Variants in ZKSCAN1 observed in about 807,000 individuals in gnomAD.
ZKSCAN1 encodes the protein zinc finger protein with KRAB and SCAN domains 1.
Under a neutral mutation model 51.6 loss-of-function variants are expected in ZKSCAN1, and 14 were observed. The observed-to-expected ratio is 0.27, with a 90% CI of 0.18 to 0.42. ZKSCAN1 has a LOEUF of 0.42. Among genes scored for constraint, ZKSCAN1 ranks in the 10% least tolerant of loss-of-function variants. The pLI is 1.00. For synonymous variants in ZKSCAN1, 263 were observed against 261.5 expected, an observed-to-expected ratio of 1.01 and a Z score of -0.06; for missense variants, 531 against 710.0, an observed-to-expected ratio of 0.75 and a Z score of 2.86.
intron 1 of ZKSCAN1, among the ~76,000 whole-genome samples, chr7:100,020,920 C>G (rs1451844306): frequency 6.6e-6 from 1 of 152,040 alleles, no homozygotes. Flanking sequence ...GTCAGTTCTG[C>G]TTAGTAACTT....
chr7:100,044,130 C>T (rs1315587107), downstream of ZKSCAN1, among the ~76,000 whole-genome samples: 2 of 152,072 alleles, frequency 1.3e-5, no homozygotes. Flanking sequence ...CCTCCACCAT[C>T]CCCCAGGCGA....
At position 100,037,543 on chromosome 7, in the gene ZKSCAN1, A is replaced by C. The variant is rs1344719759; in HGVS notation, c.*3346A>C. On this transcript the variant is annotated 3_prime_UTR_variant, in exon 6 of 6. Coordinates refer to ENST00000324306, the MANE Select transcript of ZKSCAN1 (RefSeq NM_003439.4). ...AGAAAGGAGCCTCCTGAATGTGATG[A>C]ATACGGCAAAGCCTTTAATCACATC... 4.1e-6 allele frequency: 4 copies of C among 985,370 alleles called. No homozygotes were observed. In the African/African-American group the frequency reaches 7.0e-5, roughly 17 times the overall value. 61.0% of individuals were successfully genotyped at this position (985,370 alleles called of 1,614,324 possible).
In ZKSCAN1 at chr7:100,039,496, T is replaced by C. The variant is rs1371299856; in HGVS notation, c.*5299T>C. 1 of 985,322 alleles carries C rather than the reference T, an allele frequency of 1.0e-6. No homozygotes were observed. Among genetic ancestry groups the C allele is most frequent in the Non-Finnish European group, 1.2e-6 (1 of 829,936 alleles). The allele number at this position is 985,322 out of a possible 1,614,324, so 61.0% of individuals were successfully genotyped here. On this transcript the variant is annotated 3_prime_UTR_variant, in exon 6 of 6. Transcript: ENST00000324306. ...GTTCCTGTGTTCCCTGCTCCCACTT[T>C]TCTTCCCCTGGTTTGTGATTATTAG...
At chr7:100,031,785 C>T (rs1749824693) in intron 5 of ZKSCAN1, among the ~76,000 whole-genome samples, 1 of 152,182 alleles carries the variant, frequency 6.6e-6, no homozygotes, top group South Asian at 2.1e-4. Context: ...AGGTTCAAAA[C>T]AAGTTCCTTG....
At chr7:100,028,135 A>T (rs1005953133) in intron 3 of ZKSCAN1, among the ~76,000 whole-genome samples, 1 of 152,084 alleles carries the variant, frequency 6.6e-6, no homozygotes, top group Non-Finnish European at 1.5e-5. Context: ...TGGCCAGATC[A>T]TAAGGTCAAG....
chr7:100,042,335 AAAAG>A (rs1476967529), downstream of ZKSCAN1, among the ~76,000 whole-genome samples: 1 of 148,468 alleles, frequency 6.7e-6, no homozygotes, highest in African/African-American at 2.5e-5. Context: ...AAAAAAAAAA[AAAAG>A]GTGAACTGGG....
Position 100,034,330 on chromosome 7 carries a change from A to C in ZKSCAN1, c.*133A>C. ...AAAAGTCACACTTAAGGATCCTTCTAGTCACATCAGCAGTGTTCTGCCTTT... is the reference window on the plus strand; with the variant it reads ...AAAAGTCACACTTAAGGATCCTTCTCGTCACATCAGCAGTGTTCTGCCTTT... On this transcript the variant is annotated 3_prime_UTR_variant, in exon 6 of 6. Coordinates refer to ENST00000324306, the MANE Select transcript of ZKSCAN1 (RefSeq NM_003439.4). The C allele has an allele frequency of 1.4e-6, 2 of 1,462,762 alleles. No individual in the cohort carries two copies. Among genetic ancestry groups the C allele is most frequent in the Non-Finnish European group, 1.8e-6 (2 of 1,117,536 alleles). 90.6% of individuals were successfully genotyped at this position (1,462,762 alleles called of 1,614,324 possible).
intron 1 of ZKSCAN1, among the ~76,000 whole-genome samples, chr7:100,021,471 C>T (rs1584329358): frequency 6.6e-6 from 1 of 152,176 alleles, no homozygotes; most frequent in East Asian, 1.9e-4. Context: ...TTCCTGGATA[C>T]TTGACATCAT....
chr7:100,041,570 TAAAG>T lies in ZKSCAN1; in HGVS notation c.*7377_*7380del, dbSNP rs1791594946. On this transcript the variant is annotated 3_prime_UTR_variant, in exon 6 of 6. Transcript: ENST00000324306. ...ATTTTAGGAAGCCAGTGGCGTCTGA[TAAAG>T]AAATGTTAAGAGTAGTGAGGTTGAG... The T allele has an allele frequency of 1.9e-5, 19 of 985,346 alleles. No individual in the cohort carries two copies. The highest frequency in any genetic ancestry group is 6.2e-5 in the Admixed American group (1 of 16,260). 61.0% of individuals were successfully genotyped at this position (985,346 alleles called of 1,614,324 possible).
intron 3 of ZKSCAN1, among the ~76,000 whole-genome samples, chr7:100,026,200 C>T (rs1790827074): frequency 6.9e-6 from 1 of 145,408 alleles, no homozygotes; most frequent in Non-Finnish European, 1.5e-5. Context: ...CATCGCACTC[C>T]AGCCTGAGCA....
chr7:100,034,029 G>A lies in ZKSCAN1; in HGVS notation c.1524G>A (p.Arg508=), dbSNP rs1655151341. The change falls in exon 6 of 6, where the codon CGG becomes CGA. Residue 508 remains arginine, a synonymous_variant. Coordinates refer to ENST00000324306, the MANE Select transcript of ZKSCAN1 (RefSeq NM_003439.4). ...GAAACTCATACCTGATTTTGCATCG[G>A]AGAATTCACACTCGAGAAAAGCCCT... ...FNRNSYLILH[R]RIHTREKPYK... 6.2e-7 allele frequency: 1 copy of A among 1,614,050 alleles called. No homozygotes were observed. The highest frequency in any genetic ancestry group is 2.2e-5 in the East Asian group (1 of 44,892).
chr7:100,038,231 T>C lies in ZKSCAN1; in HGVS notation c.*4034T>C, dbSNP rs1791447796. 1 of 985,374 alleles carries C rather than the reference T, an allele frequency of 1.0e-6. No individual in the cohort carries two copies. Among genetic ancestry groups the C allele is most frequent in the Non-Finnish European group, 1.2e-6 (1 of 829,954 alleles). 61.0% of individuals were successfully genotyped at this position (985,374 alleles called of 1,614,324 possible). A position where few individuals can be genotyped will look rare whatever the true frequency, so the allele number is the denominator to read the frequency against. On this transcript the variant is annotated 3_prime_UTR_variant, in exon 6 of 6. Coordinates refer to ENST00000324306, the MANE Select transcript of ZKSCAN1 (RefSeq NM_003439.4). ...CCTTGTTATTGTTCCGTATATTACCTGTAAGCAGATACTGTATTTTATTTT... is the reference window on the plus strand; with the variant it reads ...CCTTGTTATTGTTCCGTATATTACCCGTAAGCAGATACTGTATTTTATTTT...
intron 1 of ZKSCAN1, among the ~76,000 whole-genome samples, chr7:100,018,522 G>A (rs1467932188): frequency 1.3e-5 from 2 of 151,706 alleles, no homozygotes; most frequent in Non-Finnish European, 2.9e-5. Context: ...CCAAGTAGCT[G>A]GGACTACAGG....
Position 100,036,759 on chromosome 7 carries a change from G to C in ZKSCAN1, c.*2562G>C. On this transcript the variant is annotated 3_prime_UTR_variant, in exon 6 of 6. Coordinates refer to ENST00000324306, the MANE Select transcript of ZKSCAN1 (RefSeq NM_003439.4). ...GAAAGAAACTGAAAAGTGAGGTGTG[G>C]AACTCCAGGCAACGACCCAAGCACT... The C allele has an allele frequency of 1.0e-6, 1 of 983,326 alleles. No individual in the cohort carries two copies. The highest frequency in any genetic ancestry group is 1.2e-6 in the Non-Finnish European group (1 of 829,564). The allele number at this position is 983,326 out of a possible 1,614,324, so 60.9% of individuals were successfully genotyped here.
chr7:100,023,013 G>A (rs1046514167), intron 1 of ZKSCAN1, among the ~76,000 whole-genome samples: 1 of 151,886 alleles, frequency 6.6e-6, no homozygotes, highest in South Asian at 2.1e-4. Flanking sequence ...GATTTGTCAG[G>A]ATTTTTTTTT....
rs1026572655 is a variant in ZKSCAN1, at chr7:100,040,804, T to G, written c.*6607T>G. 2.0e-6 allele frequency: 2 copies of G among 985,336 alleles called. No individual in the cohort carries two copies. The highest frequency in any genetic ancestry group is 3.5e-5 in the African/African-American group (2 of 57,234). 61.0% of individuals were successfully genotyped at this position (985,336 alleles called of 1,614,324 possible). ...CCTCAACCAGAGAAGAGCATCCGGT[T>G]GCTTTTTAAAGCTTTTAGCCTGCCC... On this transcript the variant is annotated 3_prime_UTR_variant, in exon 6 of 6. Coordinates refer to ENST00000324306, the MANE Select transcript of ZKSCAN1 (RefSeq NM_003439.4).
At chr7:100,023,091 A>G (rs1462207733) in intron 1 of ZKSCAN1, among the ~76,000 whole-genome samples, 1 of 151,506 alleles carries the variant, frequency 6.6e-6, no homozygotes, top group Non-Finnish European at 1.5e-5. Flanking sequence ...GCTCACTACA[A>G]CCTCCACCTC....
rs182693512 is a variant in ZKSCAN1 at position 100,017,248 on chromosome 7, A to G, written c.-89+1522A>G. ...AAAAATTTTTTTTTTTTTGAGACAG[A>G]GTCTTGCTCTGTCGCCCAGGCTGGA... On this transcript the variant is annotated intron_variant, in intron 1 of 5. Coordinates refer to ENST00000324306, the MANE Select transcript of ZKSCAN1 (RefSeq NM_003439.4). 1.1e-3 allele frequency among the ~76,000 whole-genome samples: 174 copies of G among 151,900 alleles called. 2 individuals are homozygous for G. In the East Asian group the frequency reaches 0.031, roughly 27 times the overall value.
intron 1 of ZKSCAN1, among the ~76,000 whole-genome samples, chr7:100,019,785 T>C (rs1416080342): frequency 1.3e-5 from 2 of 152,056 alleles, no homozygotes; most frequent in Admixed American, 6.6e-5. Context: ...CACTGCAGCC[T>C]CCGCCTCCCA....
Sources: gnomAD v4.1 joint callset for allele counts (sites outside exome capture counted in the v4.1 genomes callset) on GRCh38, gnomAD v4.1.1 for gene constraint, MANE v1.5 for transcripts, NCBI Gene and HGNC (gene_info 2026-07-23, HGNC 2026-07-21) for gene names.